Variants in ANKRD36C observed in about 807,000 individuals in gnomAD.
The protein encoded by ANKRD36C is ankyrin repeat domain 36C.
A neutral mutation model predicts 276.4 loss-of-function variants in ANKRD36C; 61 were observed. The ratio of observed to expected loss-of-function variants is 0.22; its 90% CI spans 0.18 to 0.27. The LOEUF (loss-of-function observed/expected upper bound fraction) is 0.27. Among genes scored for constraint, ANKRD36C ranks in the 10% least tolerant of loss-of-function variants. The pLI is 1.00. For synonymous variants in ANKRD36C, 483 were observed against 680.1 expected, an observed-to-expected ratio of 0.71 and a Z score of 4.51; for missense variants, 1,447 against 2,032.3, an observed-to-expected ratio of 0.71 and a Z score of 5.54.
intron 17 of ANKRD36C, among the ~76,000 whole-genome samples, chr2:95,948,237 C>A (rs1678104649): frequency 6.6e-6 from 1 of 152,060 alleles, no homozygotes; most frequent in African/African-American, 2.4e-5. Flanking sequence ...AAATTTGTAT[C>A]TCCTCTGTTG....
At chr2:95,893,595 T>C in intron 44 of ANKRD36C, 1 of 1,579,836 alleles carries the variant, frequency 6.3e-7, no homozygotes. Context: ...ATCTTCCTCG[T>C]CACCTGTAGC....
intron 44 of ANKRD36C, among the ~76,000 whole-genome samples, chr2:95,892,210 T>C (rs1197666478): frequency 6.6e-6 from 1 of 151,496 alleles, no homozygotes; most frequent in African/African-American, 2.4e-5. Context: ...TCAAAGCAGG[T>C]GCTACATGAT....
chr2:95,934,235 T>G (rs7561235), intron 24 of ANKRD36C, among the ~76,000 whole-genome samples: 1 of 151,916 alleles, frequency 6.6e-6, no homozygotes. Context: ...CCATTTGACT[T>G]AGCAATCCCA....
At chr2:95,886,630 C>A (rs1300140950) in intron 50 of ANKRD36C, among the ~76,000 whole-genome samples, 2 of 151,620 alleles carry the variant, frequency 1.3e-5, no homozygotes, top group Non-Finnish European at 3.0e-5. Flanking sequence ...TGCAAGATAT[C>A]CGAATGATTA....
At chr2:95,860,316 T>A in intron 60 of ANKRD36C, among the ~76,000 whole-genome samples, 1 of 149,442 alleles carries the variant, frequency 6.7e-6, no homozygotes. Context: ...CTCAGATAGG[T>A]CCTGTAAAAA....
At chr2:95,870,094 A>G (rs1675771544) in intron 59 of ANKRD36C, among the ~76,000 whole-genome samples, 1 of 152,236 alleles carries the variant, frequency 6.6e-6, no homozygotes, top group Admixed American at 6.5e-5. Flanking sequence ...GGGCACAGAG[A>G]AACAAAAAGA....
At chr2:95,921,090 T>G (rs1337212850) in intron 34 of ANKRD36C, among the ~76,000 whole-genome samples, 1 of 150,558 alleles carries the variant, frequency 6.6e-6, no homozygotes, top group Non-Finnish European at 1.5e-5. Flanking sequence ...CAGAAACCCC[T>G]AAATTATATA....
intron 6 of ANKRD36C, among the ~76,000 whole-genome samples, chr2:95,973,142 G>A (rs1484186547): frequency 5.3e-5 from 8 of 151,986 alleles, no homozygotes; most frequent in African/African-American, 1.2e-4. Flanking sequence ...GGCTGGGGGC[G>A]GTGGCTCACA....
intron 16 of ANKRD36C, among the ~76,000 whole-genome samples, 177 bp from the exon 17 acceptor site, chr2:95,948,773 T>C (rs1678122975): frequency 6.6e-6 from 1 of 152,166 alleles, no homozygotes; most frequent in South Asian, 2.1e-4. Flanking sequence ...ATGGCTTCCA[T>C]TTTAGAAAAC....
chr2:95,958,504 A>G lies in ANKRD36C; in HGVS notation c.1105+87T>C, dbSNP rs554553575. 46 of 1,493,056 alleles carry G rather than the reference A, an allele frequency of 3.1e-5. 2 individuals are homozygous for G. The highest frequency in any genetic ancestry group is 2.2e-4 in the Middle Eastern group (1 of 4,456). The allele number at this position is 1,493,056 out of a possible 1,614,324, so 92.5% of individuals were successfully genotyped here. On this transcript the variant is annotated intron_variant, in intron 12 of 66. Transcript: ENST00000456556. ...CCGCTGAATCAGAATGCGCAGCTTC[A>G]ATGAGCCCCCTGCTGATTTATTCGG...
At chr2:95,918,694 A>T (rs1677183351) in intron 34 of ANKRD36C, among the ~76,000 whole-genome samples, 1 of 151,678 alleles carries the variant, frequency 6.6e-6, no homozygotes, top group Non-Finnish European at 1.5e-5. Flanking sequence ...TTCTTCGTCA[A>T]GTCGTGGCAC....
chr2:95,895,952 C>T (rs1318484080), intron 44 of ANKRD36C, among the ~76,000 whole-genome samples: 1 of 150,056 alleles, frequency 6.7e-6, no homozygotes, highest in Non-Finnish European at 1.5e-5. Context: ...GCTACATGAT[C>T]CCACATGTCT....
intron 60 of ANKRD36C, among the ~76,000 whole-genome samples, chr2:95,863,465 G>A (rs1675626208): frequency 6.6e-6 from 1 of 152,036 alleles, no homozygotes. Context: ...CAGAAAGAAG[G>A]AGTATATCTC....
chr2:95,896,420 C>T (rs1281531389), intron 44 of ANKRD36C, among the ~76,000 whole-genome samples: 1 of 149,072 alleles, frequency 6.7e-6, no homozygotes, highest in African/African-American at 2.5e-5. Flanking sequence ...TAGAATTCAA[C>T]ATCATTCTTG....
intron 6 of ANKRD36C, among the ~76,000 whole-genome samples, chr2:95,977,350 T>C (rs1184598723): frequency 1.3e-5 from 2 of 152,192 alleles, no homozygotes; most frequent in African/African-American, 4.8e-5. Context: ...ATTTCCTAGA[T>C]CAACATGGCC....
chr2:95,928,941 C>T, intron 26 of ANKRD36C, 131 bp downstream of exon 26: 1 of 1,408,830 alleles, frequency 7.1e-7, no homozygotes, highest in Admixed American at 2.2e-5. Context: ...GAACTCACTA[C>T]AAATGAAGAA....
At chr2:95,886,939 T>C (rs892494413) in intron 50 of ANKRD36C, among the ~76,000 whole-genome samples, 1 of 151,736 alleles carries the variant, frequency 6.6e-6, no homozygotes, top group South Asian at 2.1e-4. Context: ...AAAGGCATCA[T>C]CAATTATCAA....
At chr2:95,850,607 A>G (rs1291243382), downstream of ANKRD36C, among the ~76,000 whole-genome samples, 1 of 152,246 alleles carries the variant, frequency 6.6e-6, no homozygotes, top group South Asian at 2.1e-4. Context: ...GCGAAAGATA[A>G]GGCTGAATAA....
At chr2:95,975,488 T>C (rs1478612120) in intron 6 of ANKRD36C, among the ~76,000 whole-genome samples, 2 of 152,132 alleles carry the variant, frequency 1.3e-5, no homozygotes, top group African/African-American at 4.8e-5. Flanking sequence ...TCTACAACTA[T>C]CGATCTTTGA....
Sources: allele counts gnomAD v4.1 joint callset (sites outside exome capture counted in the v4.1 genomes callset), GRCh38; gene constraint gnomAD v4.1.1; transcripts MANE v1.5; gene names NCBI Gene and HGNC (gene_info 2026-07-23, HGNC 2026-07-21).